CEP112: variants seen among roughly 807,000 people sequenced by gnomAD.
CEP112 encodes centrosomal protein 112.
A neutral mutation model predicts 153.0 loss-of-function variants in CEP112; 127 were observed. The ratio of observed to expected loss-of-function variants is 0.83; its 90% CI spans 0.72 to 0.96. The LOEUF is 0.96. Ranked by LOEUF, CEP112 falls within the 40% of genes least tolerant of loss-of-function variation. The pLI is 0.00. For missense variants in CEP112, 1,089 were observed against 1,101.2 expected, an observed-to-expected ratio of 0.99 and a Z score of 0.16; for synonymous variants, 358 against 374.4, an observed-to-expected ratio of 0.96 and a Z score of 0.51.
At chr17:65,704,089 A>C (rs2048781836) in intron 23 of CEP112, among the ~76,000 whole-genome samples, 1 of 151,978 alleles carries the variant, frequency 6.6e-6, no homozygotes. Flanking sequence ...ACGTCCTCAC[A>C]ACAAGAGACG....
intron 18 of CEP112, among the ~76,000 whole-genome samples, chr17:65,949,243 A>T (rs572077254): frequency 3.0e-4 from 46 of 152,336 alleles, no homozygotes; most frequent in Non-Finnish European, 5.0e-4. Flanking sequence ...AGCTATAAGG[A>T]TTATGTTCTA....
intron 21 of CEP112, among the ~76,000 whole-genome samples, chr17:65,825,269 C>G (rs1393397032): frequency 1.3e-5 from 2 of 152,170 alleles, no homozygotes; most frequent in African/African-American, 4.8e-5. Flanking sequence ...ATATCAGGTA[C>G]CCTAGAGCAA....
rs930338997 is a variant in CEP112 at position 65,871,655 on chromosome 17, A to T, written c.2164-19621T>A. ...GTCTCAATAAATAAATTAATTAATT[A>T]AATTAAATAAATAAATACATGCAGA... On this transcript the variant is annotated intron_variant, in intron 20 of 26. Coordinates refer to ENST00000535342, the MANE Select transcript of CEP112 (RefSeq NM_001199165.4). 4.6e-5 allele frequency among the ~76,000 whole-genome samples: 7 copies of T among 152,192 alleles called. No individual in the cohort carries two copies. In the East Asian group the frequency reaches 1.3e-3, roughly 29 times the overall value.
chr17:65,818,868 T>C (rs2056398796), intron 21 of CEP112, among the ~76,000 whole-genome samples: 1 of 148,882 alleles, frequency 6.7e-6, no homozygotes, highest in Admixed American at 6.6e-5. Context: ...TAATACATTA[T>C]GTCTCACACT....
intron 23 of CEP112, among the ~76,000 whole-genome samples, chr17:65,702,498 A>G (rs1300688246): frequency 3.3e-5 from 5 of 152,228 alleles, no homozygotes; most frequent in African/African-American, 1.2e-4. Context: ...GTACAAATAC[A>G]GACAAGAATA....
chr17:66,007,568 T>C (rs1006463576), intron 16 of CEP112, among the ~76,000 whole-genome samples: 11 of 152,200 alleles, frequency 7.2e-5, no homozygotes, highest in Non-Finnish European at 1.6e-4. Context: ...CTTTTTAATG[T>C]AGAGAGTCAA....
chr17:66,085,959 G>A (rs79996605), intron 8 of CEP112, among the ~76,000 whole-genome samples: 11 of 116,108 alleles, frequency 9.5e-5, no homozygotes, highest in African/African-American at 3.0e-4. Flanking sequence ...CCTGGGTGAC[G>A]ACAGAGCGAG....
chr17:65,654,826 T>C, intron 24 of CEP112: 2 of 405,464 alleles, frequency 4.9e-6, no homozygotes, highest in Non-Finnish European at 9.4e-6. Flanking sequence ...ATAAACTGTC[T>C]GAATTTGTTC....
intron 24 of CEP112, among the ~76,000 whole-genome samples, chr17:65,651,066 T>C (rs540796992): frequency 7.2e-5 from 11 of 152,074 alleles, no homozygotes. Flanking sequence ...ACCCAGTGTA[T>C]AGTCTTTTAT....
At chr17:65,768,542 T>C (rs1039574185) in intron 21 of CEP112, among the ~76,000 whole-genome samples, 10 of 152,114 alleles carry the variant, frequency 6.6e-5, no homozygotes, top group East Asian at 1.9e-4. Context: ...CTGAAGAACA[T>C]TGATGCAAAA....
intron 12 of CEP112, among the ~76,000 whole-genome samples, chr17:66,038,110 A>AAAAAAGAAAAG (rs71293591): frequency 8.3e-6 from 1 of 120,658 alleles, no homozygotes; most frequent in Non-Finnish European, 1.7e-5. Context: ...CAAAAAAAAA[A>AAAAAAGAAAAG]AAAAGAAAAG....
At chr17:65,675,572 A>G (rs976463605) in intron 24 of CEP112, among the ~76,000 whole-genome samples, 1 of 152,152 alleles carries the variant, frequency 6.6e-6, no homozygotes, top group Admixed American at 6.6e-5. Context: ...ACAGAGACAG[A>G]ATAATTTGTT....
In CEP112 at chr17:65,971,415, A is replaced by AGCAAATATATTGGATGCATGTAATGTAT. The variant is rs148309566; in HGVS notation, c.1737-9818_1737-9817insATACATTACATGCATCCAATATATTTGC. Among the ~76,000 whole-genome samples the AGCAAATATATTGGATGCATGTAATGTAT allele has an allele frequency of 5.9e-3, 887 of 151,522 alleles. 11 individuals carry two copies. Among genetic ancestry groups the AGCAAATATATTGGATGCATGTAATGTAT allele is most frequent in the African/African-American group, 0.021 (857 of 41,256 alleles). ...TATAGCATGTATATTGCACCCATGC[A>AGCAAATATATTGGATGCATGTAATGTAT]GCATGCTGCATGCATGTTACATGGA... On this transcript the variant is annotated intron_variant, in intron 17 of 26. Coordinates refer to ENST00000535342, the MANE Select transcript of CEP112 (RefSeq NM_001199165.4).
intron 18 of CEP112, among the ~76,000 whole-genome samples, chr17:65,951,808 G>A (rs1483648210): frequency 1.5e-5 from 2 of 137,274 alleles, no homozygotes; most frequent in Non-Finnish European, 3.0e-5. Context: ...TTCATCAGGT[G>A]AAGTTTAGGT....
intron 21 of CEP112, among the ~76,000 whole-genome samples, chr17:65,769,465 AT>A (rs2053207464): frequency 6.6e-6 from 1 of 152,102 alleles, no homozygotes; most frequent in Non-Finnish European, 1.5e-5. Flanking sequence ...AGCCAATGCA[AT>A]TCTGAGAAAA....
At chr17:66,153,492 T>C (rs570834971) in intron 4 of CEP112, among the ~76,000 whole-genome samples, 18 of 148,752 alleles carry the variant, frequency 1.2e-4, no homozygotes, top group African/African-American at 3.4e-4. Flanking sequence ...AAAAAGATAA[T>C]TGCTTGCCTG....
intron 23 of CEP112, among the ~76,000 whole-genome samples, chr17:65,732,435 G>C (rs1239237292): frequency 1.3e-5 from 2 of 152,164 alleles, no homozygotes; most frequent in South Asian, 2.1e-4. Context: ...AGCATCCTAG[G>C]GTTTTTGGAA....
intron 15 of CEP112, 44 bp from the exon 16 acceptor site, chr17:66,027,604 C>T: frequency 8.9e-7 from 1 of 1,124,818 alleles, no homozygotes; most frequent in Non-Finnish European, 1.2e-6. Flanking sequence ...TTAAATTATA[C>T]TAGAGTCAAT....
chr17:66,016,412 T>C (rs762442596), intron 16 of CEP112, among the ~76,000 whole-genome samples: 5 of 152,186 alleles, frequency 3.3e-5, no homozygotes, highest in Non-Finnish European at 5.9e-5. Flanking sequence ...TACGTGTCTC[T>C]AAGTGTGATC....
Sources: gnomAD v4.1 joint callset for allele counts (sites outside exome capture counted in the v4.1 genomes callset) on GRCh38, gnomAD v4.1.1 for gene constraint, MANE v1.5 for transcripts, NCBI Gene and HGNC (gene_info 2026-07-23, HGNC 2026-07-21) for gene names.